SLC35F2: variants seen among roughly 807,000 people sequenced by gnomAD.
The protein encoded by SLC35F2 is queuine/queuosine transporter SLC35F2.
Under a neutral mutation model 38.1 loss-of-function variants are expected in SLC35F2, and 25 were observed. The ratio of observed to expected loss-of-function variants is 0.66; its 90% CI spans 0.48 to 0.92. The LOEUF (loss-of-function observed/expected upper bound fraction) is 0.92, where lower values mean the gene tolerates loss of function less well. Ranked by LOEUF, SLC35F2 falls within the 40% of genes least tolerant of loss-of-function variation. SLC35F2 has a pLI of 0.00. For synonymous variants in SLC35F2, 173 were observed against 181.7 expected (o/e 0.95, Z 0.38); for missense variants, 409 against 452.9 (o/e 0.90, Z 0.88).
intron 2 of SLC35F2, among the ~76,000 whole-genome samples, chr11:107,812,234 T>G (rs930145096): frequency 6.6e-6 from 1 of 152,150 alleles, no homozygotes; most frequent in Non-Finnish European, 1.5e-5. Flanking sequence ...GGCCCCCTCC[T>G]AGTTTCCATT....
intron 1 of SLC35F2, among the ~76,000 whole-genome samples, chr11:107,827,374 CGAGGCCAAGGTGGGT>C (rs1859768788): frequency 2.0e-5 from 3 of 149,888 alleles, no homozygotes; most frequent in South Asian, 4.3e-4. Context: ...CAGCACTTTG[CGAGGCCAAGGTGGGT>C]GGATCACTTG....
intron 2 of SLC35F2, among the ~76,000 whole-genome samples, chr11:107,815,010 G>A (rs1203887491): frequency 5.9e-5 from 9 of 151,790 alleles, no homozygotes; most frequent in Admixed American, 1.3e-4. Flanking sequence ...CCCAGGAGGC[G>A]GAGGTTGCAG....
chr11:107,846,874 G>C (rs1860110741), intron 1 of SLC35F2, among the ~76,000 whole-genome samples: 1 of 150,368 alleles, frequency 6.7e-6, no homozygotes, highest in Non-Finnish European at 1.5e-5. Context: ...AGGCTGCAGT[G>C]AGCCAAGATC....
chr11:107,818,072 AAAAGAAAGAAAG>A (rs1163903791), intron 1 of SLC35F2, among the ~76,000 whole-genome samples: 1,489 of 68,426 alleles, frequency 0.022, 24 homozygotes, highest in Admixed American at 0.025. Flanking sequence ...AAAAAAAAAA[AAAAGAAAGAAAG>A]AAAGAAAGAA....
chr11:107,858,784 C>G lies in SLC35F2; in HGVS notation c.-17G>C. On this transcript the variant is annotated 5_prime_UTR_variant, in exon 1 of 8. Coordinates refer to ENST00000525815, the MANE Select transcript of SLC35F2 (RefSeq NM_017515.5). ...TGCCTCCATCGGCGCCCTTGCGCGT[C>G]TCCGGCGCCCAAAACCCCCGAAGTG... 8.0e-7 allele frequency: 1 copy of G among 1,251,696 alleles called. No homozygotes were observed. Among genetic ancestry groups the G allele is most frequent in the African/African-American group, 1.5e-5 (1 of 64,984 alleles). 77.5% of individuals were successfully genotyped at this position (1,251,696 alleles called of 1,614,324 possible). A position where few individuals can be genotyped will look rare whatever the true frequency, so the allele number is the denominator to read the frequency against.
chr11:107,852,365 C>G (rs1350385097), intron 1 of SLC35F2, among the ~76,000 whole-genome samples: 2 of 152,074 alleles, frequency 1.3e-5, no homozygotes, highest in African/African-American at 4.8e-5. Flanking sequence ...GCCTGGCCAA[C>G]ATGGTGAAAC....
chr11:107,812,746 G>A (rs1057268204), intron 2 of SLC35F2, among the ~76,000 whole-genome samples: 1 of 152,070 alleles, frequency 6.6e-6, no homozygotes, highest in East Asian at 1.9e-4. Flanking sequence ...TTCTGGATAT[G>A]AGCTTGTATG....
chr11:107,827,325 G>A (rs1487482018), intron 1 of SLC35F2, among the ~76,000 whole-genome samples: 1 of 152,084 alleles, frequency 6.6e-6, no homozygotes, highest in African/African-American at 2.4e-5. Flanking sequence ...CCACTAAAAA[G>A]AACTAGGAGC....
intron 1 of SLC35F2, among the ~76,000 whole-genome samples, chr11:107,843,287 G>A (rs1355113054): frequency 6.6e-6 from 1 of 152,118 alleles, no homozygotes; most frequent in Non-Finnish European, 1.5e-5. Flanking sequence ...ATTGAGGCTG[G>A]CCAGGCACAG....
At chr11:107,823,964 T>C (rs1047518853) in intron 1 of SLC35F2, 1 of 971,914 alleles carries the variant, frequency 1.0e-6, no homozygotes, top group Admixed American at 6.2e-5. Flanking sequence ...AAGAAATAAA[T>C]TATAAGTAGC....
At chr11:107,793,198 G>A (rs1324348387) in intron 7 of SLC35F2, among the ~76,000 whole-genome samples, 1 of 152,224 alleles carries the variant, frequency 6.6e-6, no homozygotes. Flanking sequence ...GATTACAGGC[G>A]TGGGCCGCCA....
chr11:107,815,795 C>T lies in SLC35F2; in HGVS notation c.281G>A (p.Arg94Gln), dbSNP rs759829169. Residue 94 changes from arginine to glutamine, a missense_variant, in exon 2 of 8, where the codon CGA becomes CAA. Arg to Gln is a conservative substitution (Grantham distance 43). Coordinates refer to ENST00000525815, the MANE Select transcript of SLC35F2 (RefSeq NM_017515.5). ...AATTTCCACATTTGACATACCTGAT[C>T]GAAATGCCAGCATCACTGTATAAAT... ...FLIYTVMLAFRSGSDNLLVIL... is the reference protein window; with the variant it reads ...FLIYTVMLAFQSGSDNLLVIL... 1.1e-5 allele frequency: 18 copies of T among 1,602,786 alleles called. No homozygotes were observed. The highest frequency in any genetic ancestry group is 1.7e-4 in the Middle Eastern group (1 of 6,026).
intron 2 of SLC35F2, among the ~76,000 whole-genome samples, chr11:107,813,550 T>A (rs1294016768): frequency 6.6e-6 from 1 of 152,192 alleles, no homozygotes; most frequent in East Asian, 1.9e-4. Flanking sequence ...CAACCATCCC[T>A]TAGGGAGACT....
At chr11:107,794,184 G>A (rs953443653) in intron 7 of SLC35F2, among the ~76,000 whole-genome samples, 11 of 151,112 alleles carry the variant, frequency 7.3e-5, no homozygotes, top group East Asian at 2.0e-4. Flanking sequence ...GGGTTCAAGC[G>A]ATTCTTCTGC....
rs1333904723 is a variant in SLC35F2, at chr11:107,829,773, AAAT to A, written c.111-13811_111-13809del. ...AGGGTCTATGAACTTCAGTAGAAAA[AAAT>A]ATATATATCCTCATTTTCAGTAACA... On this transcript the variant is annotated intron_variant, in intron 1 of 7. Coordinates refer to ENST00000525815, the MANE Select transcript of SLC35F2 (RefSeq NM_017515.5). Among the ~76,000 whole-genome samples, 16 of 151,770 alleles carry A rather than the reference AAAT, an allele frequency of 1.1e-4. No individual in the cohort carries two copies. In the East Asian group the frequency reaches 2.5e-3, roughly 24 times the overall value.
intron 1 of SLC35F2, among the ~76,000 whole-genome samples, chr11:107,841,991 AGGAGGT>A (rs1366143874): frequency 6.6e-6 from 1 of 151,626 alleles, no homozygotes; most frequent in Non-Finnish European, 1.5e-5. Context: ...GCGTGAACCC[AGGAGGT>A]GGAGGTTGCA....
At chr11:107,834,522 T>C (rs574758889) in intron 1 of SLC35F2, among the ~76,000 whole-genome samples, 18 of 152,146 alleles carry the variant, frequency 1.2e-4, no homozygotes, top group African/African-American at 4.1e-4. Flanking sequence ...TGGTGGCGCA[T>C]GTCTGTAAAC....
Position 107,856,894 on chromosome 11 carries a change from G to GGGAAGGAAGGAA in SLC35F2, c.110+1752_110+1763dup, listed in dbSNP as rs1329613419. 2.2e-3 allele frequency among the ~76,000 whole-genome samples: 213 copies of GGGAAGGAAGGAA among 97,932 alleles called. 2 individuals are homozygous for GGGAAGGAAGGAA. The highest frequency in any genetic ancestry group is 8.1e-3 in the African/African-American group (202 of 24,910). The allele number at this position is 97,932 out of a possible 152,430, so 64.2% of individuals were successfully genotyped here. On this transcript the variant is annotated intron_variant, in intron 1 of 7. Coordinates refer to ENST00000525815, the MANE Select transcript of SLC35F2 (RefSeq NM_017515.5). ...AGGCAGGAAGGAAGGAAGGGAGGGA[G>GGGAAGGAAGGAA]GGAAGGAAGGAAGGGAGGGAGGGAG...
At chr11:107,829,677 C>CA (rs59625402) in intron 1 of SLC35F2, among the ~76,000 whole-genome samples, 4,448 of 87,214 alleles carry the variant, frequency 0.051, 84 homozygotes, top group Non-Finnish European at 0.074. Flanking sequence ...TGAAATCTCA[C>CA]AAAAAAAAAA....
Sources: allele counts gnomAD v4.1 joint callset (sites outside exome capture counted in the v4.1 genomes callset), GRCh38; gene constraint gnomAD v4.1.1; transcripts MANE v1.5; gene names NCBI Gene and HGNC (gene_info 2026-07-23, HGNC 2026-07-21).